Variants in KCNH6 observed in about 807,000 individuals in gnomAD.
KCNH6 encodes voltage-gated inwardly rectifying potassium channel KCNH6.
A neutral mutation model predicts 83.4 loss-of-function variants in KCNH6; 81 were observed. That is an observed-to-expected ratio of 0.97 (90% confidence interval 0.81 to 1.17). KCNH6 has a LOEUF of 1.17. KCNH6 is among the 50% of genes most tolerant of loss of function. The pLI is 0.00. For synonymous variants in KCNH6, 503 were observed against 545.6 expected (o/e 0.92, Z 1.09); for missense variants, 1,203 against 1,290.5 (o/e 0.93, Z 1.04).
intron 6 of KCNH6, among the ~76,000 whole-genome samples, chr17:63,537,664 T>C (rs991610312): frequency 5.3e-5 from 8 of 152,340 alleles, no homozygotes; most frequent in African/African-American, 1.7e-4. Context: ...CTCGAACTCC[T>C]GACCTCAGGT....
intron 11 of KCNH6, 80 bp from the exon 12 acceptor site, chr17:63,544,998 C>A: frequency 1.4e-6 from 2 of 1,399,032 alleles, no homozygotes; most frequent in Non-Finnish European, 2.0e-6. Flanking sequence ...AGGAACAGCA[C>A]GCAGGCTACA....
Position 63,538,800 on chromosome 17 carries a change from G to A in KCNH6, c.1954+138G>A. 6 of 910,392 alleles carry A rather than the reference G, an allele frequency of 6.6e-6. No individual in the cohort carries two copies. The highest frequency in any genetic ancestry group is 9.7e-6 in the Non-Finnish European group (6 of 619,784). The allele number at this position is 910,392 out of a possible 1,614,324, so 56.4% of individuals were successfully genotyped here. ...GCAGCCACTTGCACAGCATGTGCCCGGGAGAGCTTTAGACCCAGCTGGCTG... is the reference window on the plus strand; with the variant it reads ...GCAGCCACTTGCACAGCATGTGCCCAGGAGAGCTTTAGACCCAGCTGGCTG... On this transcript the variant is annotated intron_variant, in intron 8 of 12. Transcript: ENST00000314672. The surrounding 1 kb of genome is among the most constrained non-coding windows in gnomAD (Gnocchi z 4.0).
chr17:63,530,605 T>C, intron 4 of KCNH6, 63 bp downstream of exon 4: 4 of 1,496,370 alleles, frequency 2.7e-6, no homozygotes, highest in Non-Finnish European at 3.7e-6. Flanking sequence ...CCTCCCAGGC[T>C]CTGGGCCCAG....
chr17:63,545,640 G>C lies in KCNH6; in HGVS notation c.2615G>C (p.Ser872Thr). 1 of 1,613,894 alleles carries C rather than the reference G, an allele frequency of 6.2e-7. No individual in the cohort carries two copies. Among genetic ancestry groups the C allele is most frequent in the South Asian group, 1.1e-5 (1 of 91,088 alleles). Residue 872 changes from serine to threonine, a missense_variant, in exon 13 of 13, where the codon AGT (serine) becomes ACT (threonine). Transcript: ENST00000314672. ...AGCTATGGAGACTTGGATGACTGTA[G>C]TCCAAAGCACAGGAACTCCTCCCCC... The part of the protein sequence containing the change: ...TPSYGDLDDC[S>T]PKHRNSSPRM...
Position 63,542,375 on chromosome 17 carries a change from T to C in KCNH6, c.2089T>C (p.Tyr697His). ...AGATCTGCTGGAGGTGCTGGACATG[T>C]ACCCGGCCTTTGCGGAGAGCTTCTG... ...RADLLEVLDMYPAFAESFWSK... is the reference protein window; with the variant it reads ...RADLLEVLDMHPAFAESFWSK... The change falls in exon 9 of 13, where the codon TAC (tyrosine) becomes CAC (histidine). Residue 697 changes from tyrosine (Y) to histidine (H), a missense_variant. By Grantham distance (83) the Tyr-to-His change is moderately conservative (BLOSUM62 2). Transcript: ENST00000314672. 6.2e-7 allele frequency: 1 copy of C among 1,614,180 alleles called. No individual in the cohort carries two copies. The highest frequency in any genetic ancestry group is 8.5e-7 in the Non-Finnish European group (1 of 1,180,044).
intron 6 of KCNH6, among the ~76,000 whole-genome samples, chr17:63,536,814 C>T (rs1597996619): frequency 2.1e-5 from 3 of 145,798 alleles, no homozygotes; most frequent in Non-Finnish European, 3.0e-5. Context: ...AATTAGCCGG[C>T]GTGGTGGTAC....
At chr17:63,530,035 C>T in intron 2 of KCNH6, 56 bp from the exon 3 acceptor site, 1 of 1,589,348 alleles carries the variant, frequency 6.3e-7, no homozygotes, top group Admixed American at 1.7e-5. Context: ...AGCCAGGCCA[C>T]TGCAGGAGGG....
Position 63,534,408 on chromosome 17 carries a change from G to T in KCNH6, c.1101+97G>T. On this transcript the variant is annotated intron_variant, in intron 5 of 12. Transcript: ENST00000314672. This position sits in a 1 kb window ranked among gnomAD's most constrained non-coding sequence, Gnocchi z 5.0. ...ACAGCACTGGGTGCGGAGAGTATCT[G>T]GCACTGGGCACCTTTGCTGAAGCAC... 1 of 1,234,276 alleles carries T rather than the reference G, an allele frequency of 8.1e-7. No homozygotes were observed. Among genetic ancestry groups the T allele is most frequent in the Non-Finnish European group, 1.1e-6 (1 of 889,554 alleles). 76.5% of individuals were successfully genotyped at this position (1,234,276 alleles called of 1,614,324 possible).
rs928601531 is a variant in KCNH6 at position 63,538,758 on chromosome 17, G to A, written c.1954+96G>A. The A allele has an allele frequency of 1.5e-6, 2 of 1,330,766 alleles. No individual in the cohort carries two copies. The highest frequency in any genetic ancestry group is 1.0e-6 in the Non-Finnish European group (1 of 975,478). 82.4% of individuals were successfully genotyped at this position (1,330,766 alleles called of 1,614,324 possible). ...GCCCAGGCCACCCTCTTCCTGATGA[G>A]GATTTTACTTTTACTGGCAGCCACT... On this transcript the variant is annotated intron_variant, in intron 8 of 12. Coordinates refer to ENST00000314672, the MANE Select transcript of KCNH6 (RefSeq NM_001278919.2). The surrounding 1 kb of genome is among the most constrained non-coding windows in gnomAD (Gnocchi z 4.0).
At position 63,533,987 on chromosome 17, in the gene KCNH6, G is replaced by A. The variant is rs769120467; in HGVS notation, c.777G>A (p.Trp259Ter). The change falls in exon 5 of 13, where the codon TGG becomes TGA. Residue 259 changes from tryptophan (W) to a stop codon, truncating the protein, a stop_gained. Transcript: ENST00000314672. LOFTEE classifies it high-confidence loss of function. This position sits in a 1 kb window ranked among gnomAD's most constrained non-coding sequence, Gnocchi z 4.1. ...ILHYSPFKAV[W>*]DWLILLLVIY... ...ACTACAGCCCCTTCAAGGCCGTGTGGGACTGGCTCATCCTGCTGCTGGTCA... is the reference window on the plus strand; with the variant it reads ...ACTACAGCCCCTTCAAGGCCGTGTGAGACTGGCTCATCCTGCTGCTGGTCA... 2.5e-6 allele frequency: 4 copies of A among 1,614,038 alleles called. No homozygotes were observed. The highest frequency in any genetic ancestry group is 1.6e-4 in the Middle Eastern group (1 of 6,062).
rs60039258 is a variant in KCNH6 at position 63,536,952 on chromosome 17, C to CAAAAAA, written c.1501+904_1501+909dup. Among the ~76,000 whole-genome samples the CAAAAAA allele has an allele frequency of 2.1e-3, 120 of 56,482 alleles. 3 individuals carry two copies. The highest frequency in any genetic ancestry group is 0.016 in the Middle Eastern group (1 of 64). 37.1% of individuals were successfully genotyped at this position (56,482 alleles called of 152,430 possible). On this transcript the variant is annotated intron_variant, in intron 6 of 12. Transcript: ENST00000314672. ...TGGGAGACAGAGCAAGACTCCGTCT[C>CAAAAAA]AAAAAAAAAAAAAAAAAAAAAAAAA...
At chr17:63,536,716 G>A (rs2032521107) in intron 6 of KCNH6, among the ~76,000 whole-genome samples, 1 of 151,800 alleles carries the variant, frequency 6.6e-6, no homozygotes, top group South Asian at 2.1e-4. Flanking sequence ...CAGCACTTTG[G>A]GAGGCCGAGG....
intron 2 of KCNH6, among the ~76,000 whole-genome samples, chr17:63,527,652 C>T (rs943233964): frequency 1.3e-5 from 2 of 152,188 alleles, no homozygotes; most frequent in Non-Finnish European, 2.9e-5. Context: ...ACTGTGGCTC[C>T]TCCTCCAGGG....
intron 2 of KCNH6, among the ~76,000 whole-genome samples, chr17:63,527,940 C>T (rs190690817): frequency 6.6e-6 from 1 of 152,304 alleles, no homozygotes; most frequent in Admixed American, 6.5e-5. Flanking sequence ...ACTGCTATAA[C>T]GGGCTGGTCT....
chr17:63,527,927 C>T (rs1018538485), intron 2 of KCNH6, among the ~76,000 whole-genome samples: 2 of 152,196 alleles, frequency 1.3e-5, no homozygotes, highest in African/African-American at 4.8e-5. Flanking sequence ...AGCCCCAGAC[C>T]TCACTGCTAT....
chr17:63,548,356 T>C (rs551443580), downstream of KCNH6, among the ~76,000 whole-genome samples: 68 of 152,272 alleles, frequency 4.5e-4, no homozygotes, highest in African/African-American at 1.6e-3. Flanking sequence ...GAACCCAGCC[T>C]GGGCAACATA....
intron 11 of KCNH6, among the ~76,000 whole-genome samples, 200 bp from the exon 12 acceptor site, chr17:63,544,878 C>T (rs2033065974): frequency 6.6e-6 from 1 of 152,088 alleles, no homozygotes; most frequent in Admixed American, 6.6e-5. Flanking sequence ...GGTGCCTGCT[C>T]ACTGGTGTTG....
Position 63,545,263 on chromosome 17 carries a change from A to T in KCNH6, c.2582A>T (p.Gln861Leu), listed in dbSNP as rs760779598. The change falls in exon 12 of 13, where the codon CAG becomes CTG. Residue 861 changes from glutamine to leucine, a missense_variant and splice_region_variant. Gln to Leu is a moderately radical substitution (Grantham distance 113). Coordinates refer to ENST00000314672, the MANE Select transcript of KCNH6 (RefSeq NM_001278919.2). The part of the protein sequence containing the change: ...RLPQGFLPPA[Q>L]TPSYGDLDDC... ...CCCCAGGGCTTTCTGCCTCCTGCAC[A>T]GGTAAGAGGTGAGGGGATTCCCAGG... 6.2e-7 allele frequency: 1 copy of T among 1,613,100 alleles called. No individual in the cohort carries two copies. Among genetic ancestry groups the T allele is most frequent in the South Asian group, 1.1e-5 (1 of 91,084 alleles).
At chr17:63,539,765 G>C (rs938537000) in intron 8 of KCNH6, among the ~76,000 whole-genome samples, 2 of 152,134 alleles carry the variant, frequency 1.3e-5, no homozygotes, top group Admixed American at 6.5e-5. Flanking sequence ...TCCTGGAAAG[G>C]TGTTGGGAAC....
Sources: allele counts gnomAD v4.1 joint callset (sites outside exome capture counted in the v4.1 genomes callset), GRCh38; gene constraint gnomAD v4.1.1; non-coding constraint Gnocchi (gnomAD v3.1); transcripts MANE v1.5; gene names NCBI Gene and HGNC (gene_info 2026-07-23, HGNC 2026-07-21).